The following TAFA1 variants were observed in gnomAD, a reference collection of about 807,000 sequenced individuals.
TAFA1 encodes the protein chemokine-like protein TAFA-1.
TAFA1 carries 4 observed loss-of-function variants against 18.5 expected under a neutral mutation model. The observed-to-expected ratio is 0.22, with a 90% CI of 0.11 to 0.49. The LOEUF is 0.49. Among genes scored for constraint, TAFA1 ranks in the 20% least tolerant of loss-of-function variants. The pLI, the probability that TAFA1 is intolerant of heterozygous loss-of-function variation, is 0.98. For missense variants in TAFA1, 147 were observed against 169.0 expected, an observed-to-expected ratio of 0.87 and a Z score of 0.72; for synonymous variants, 56 against 55.2, an observed-to-expected ratio of 1.01 and a Z score of -0.06.
intron 2 of TAFA1, among the ~76,000 whole-genome samples, chr3:68,180,010 A>ATTT (rs1553649116): frequency 2.6e-5 from 1 of 38,496 alleles, no homozygotes; most frequent in African/African-American, 1.2e-4. Flanking sequence ...ATAACACATA[A>ATTT]TTTTATTATT....
chr3:68,488,126 G>C (rs1034788872), intron 3 of TAFA1, among the ~76,000 whole-genome samples: 2 of 152,110 alleles, frequency 1.3e-5, no homozygotes, highest in African/African-American at 4.8e-5. Flanking sequence ...TACGTAAAGG[G>C]GAGTTTATTA....
chr3:68,474,468 C>A (rs1199562569), intron 3 of TAFA1, among the ~76,000 whole-genome samples: 2 of 152,146 alleles, frequency 1.3e-5, no homozygotes, highest in African/African-American at 4.8e-5. Context: ...AGCTATTCAG[C>A]TGTCAGAACT....
chr3:68,062,831 C>G lies in TAFA1; in HGVS notation c.118+56087C>G, dbSNP rs147362754. 5.9e-5 allele frequency among the ~76,000 whole-genome samples: 9 copies of G among 152,286 alleles called. No homozygotes were observed. The East Asian group carries it at 1.7e-3, about 29-fold the overall frequency. On this transcript the variant is annotated intron_variant, in intron 2 of 4. Coordinates refer to ENST00000478136, the MANE Select transcript of TAFA1 (RefSeq NM_213609.4). ...GGTTGAATGAAGGGAAGAAATGCTC[C>G]ATGGTGGGGAAAGTTACCAATTCCT...
At chr3:68,120,362 G>C (rs931255514) in intron 2 of TAFA1, among the ~76,000 whole-genome samples, 1 of 151,778 alleles carries the variant, frequency 6.6e-6, no homozygotes, top group Admixed American at 6.6e-5. Flanking sequence ...TGATTCTCAT[G>C]CCTCAGCCTC....
chr3:68,370,470 G>GTATATATATATATATATATA lies in TAFA1; in HGVS notation c.119-46809_119-46808insATATATATATATATATATAT, dbSNP rs2069675173. On this transcript the variant is annotated intron_variant, in intron 2 of 4. Coordinates refer to ENST00000478136, the MANE Select transcript of TAFA1 (RefSeq NM_213609.4). ...TGTATATATATGTGTGTGTGTGTGT[G>GTATATATATATATATATATA]TGTATATATATATATATATATATAT... Among the ~76,000 whole-genome samples the GTATATATATATATATATATA allele has an allele frequency of 5.4e-3, 167 of 31,140 alleles. 10 individuals carry two copies. Among genetic ancestry groups the GTATATATATATATATATATA allele is most frequent in the Middle Eastern group, 0.022 (1 of 46 alleles). 20.4% of individuals were successfully genotyped at this position (31,140 alleles called of 152,430 possible). A position where few individuals can be genotyped will look rare whatever the true frequency, so the allele number is the denominator to read the frequency against.
chr3:68,415,616 G>C (rs2070817614), intron 2 of TAFA1, among the ~76,000 whole-genome samples: 1 of 151,848 alleles, frequency 6.6e-6, no homozygotes, highest in Non-Finnish European at 1.5e-5. Flanking sequence ...TTATACCTTT[G>C]TTGGCACCTA....
At chr3:68,504,089 G>T (rs2072708057) in intron 3 of TAFA1, among the ~76,000 whole-genome samples, 1 of 152,036 alleles carries the variant, frequency 6.6e-6, no homozygotes, top group African/African-American at 2.4e-5. Context: ...ACAAGAAAAA[G>T]GCTAATAATC....
chr3:68,353,402 T>C (rs2069306274), intron 2 of TAFA1, among the ~76,000 whole-genome samples: 1 of 152,082 alleles, frequency 6.6e-6, no homozygotes, highest in East Asian at 1.9e-4. Context: ...ACCTTATCGG[T>C]TTATGTTCAG....
intron 2 of TAFA1, among the ~76,000 whole-genome samples, chr3:68,072,288 C>A (rs2064764921): frequency 6.6e-6 from 1 of 152,144 alleles, no homozygotes; most frequent in Non-Finnish European, 1.5e-5. Flanking sequence ...ATATGAGAAG[C>A]AGCCTCGTGT....
At chr3:68,284,766 C>CA (rs201978318) in intron 2 of TAFA1, among the ~76,000 whole-genome samples, 2,699 of 141,996 alleles carry the variant, frequency 0.019, 65 homozygotes, top group South Asian at 0.11. Flanking sequence ...CCATCTCTAC[C>CA]AAAAAAAAAA....
intron 2 of TAFA1, among the ~76,000 whole-genome samples, chr3:68,390,617 C>T (rs777535291): frequency 3.9e-5 from 6 of 152,198 alleles, no homozygotes; most frequent in Non-Finnish European, 8.8e-5. Flanking sequence ...CAGCGGGCAT[C>T]TGGCAGGTGG....
At chr3:68,119,553 A>G (rs984238078) in intron 2 of TAFA1, among the ~76,000 whole-genome samples, 4 of 147,896 alleles carry the variant, frequency 2.7e-5, no homozygotes, top group African/African-American at 7.4e-5. Flanking sequence ...TATATGGTAT[A>G]TGGTAAGTGT....
chr3:68,432,281 T>G (rs1306160861), intron 3 of TAFA1, among the ~76,000 whole-genome samples: 1 of 151,924 alleles, frequency 6.6e-6, no homozygotes, highest in African/African-American at 2.4e-5. Context: ...CCACAGTCTC[T>G]TTTTCTATAA....
chr3:68,143,349 T>C (rs2065693828), intron 2 of TAFA1, among the ~76,000 whole-genome samples: 2 of 152,180 alleles, frequency 1.3e-5, no homozygotes, highest in South Asian at 2.1e-4. Context: ...TGAAGAATTA[T>C]GATTCTGAAT....
At chr3:68,451,238 A>G (rs898942464) in intron 3 of TAFA1, among the ~76,000 whole-genome samples, 1 of 152,230 alleles carries the variant, frequency 6.6e-6, no homozygotes, top group African/African-American at 2.4e-5. Context: ...AGGAAAATAA[A>G]TATTGTAAGC....
intron 4 of TAFA1, among the ~76,000 whole-genome samples, chr3:68,542,239 C>A (rs941262851): frequency 7.2e-5 from 11 of 152,128 alleles, no homozygotes; most frequent in African/African-American, 2.7e-4. Flanking sequence ...TGGCAACACA[C>A]ACACTTCTGG....
At chr3:68,078,788 T>C (rs566117448) in intron 2 of TAFA1, among the ~76,000 whole-genome samples, 19 of 152,352 alleles carry the variant, frequency 1.2e-4, no homozygotes, top group Admixed American at 1.0e-3. Flanking sequence ...TTGTTGTGTC[T>C]CTGCCTGGCT....
intron 2 of TAFA1, among the ~76,000 whole-genome samples, chr3:68,145,999 A>G (rs935125461): frequency 1.8e-4 from 28 of 152,150 alleles, no homozygotes; most frequent in African/African-American, 6.3e-4. Context: ...AGCTTGTGCA[A>G]CCACAACCCT....
At chr3:68,229,838 A>C (rs2066848703) in intron 2 of TAFA1, among the ~76,000 whole-genome samples, 5 of 152,216 alleles carry the variant, frequency 3.3e-5, no homozygotes, top group Admixed American at 2.0e-4. Context: ...TTCTTCATCT[A>C]TATAACGGAG....
Sources: allele counts gnomAD v4.1 joint callset (sites outside exome capture counted in the v4.1 genomes callset), GRCh38; gene constraint gnomAD v4.1.1; transcripts MANE v1.5; gene names NCBI Gene and HGNC (gene_info 2026-07-23, HGNC 2026-07-21).